The following GHSR variants were observed in gnomAD, a reference collection of about 807,000 sequenced individuals.
The protein encoded by GHSR is growth hormone secretagogue receptor type 1.
GHSR carries 17 observed loss-of-function variants against 24.0 expected under a neutral mutation model. The ratio of observed to expected loss-of-function variants is 0.71; its 90% CI spans 0.49 to 1.06. The LOEUF (loss-of-function observed/expected upper bound fraction) is 1.06. Ranked by LOEUF, GHSR falls within the 50% of genes least tolerant of loss-of-function variation. GHSR has a pLI of 0.00. For synonymous variants in GHSR, 238 were observed against 208.1 expected (o/e 1.14, Z -1.24); for missense variants, 504 against 483.1 (o/e 1.04, Z -0.41).
In GHSR at chr3:172,447,907, G is replaced by A. The variant is rs200759460; in HGVS notation, c.507C>T (p.Ala169=). Reference sequence around the variant, plus strand: ...TGGGCCCGGCGCTGCAGAAGGCCACGGCCCAGATGACGAAGATGACCAGCT... The same window carrying A: ...TGGGCCCGGCGCTGCAGAAGGCCACAGCCCAGATGACGAAGATGACCAGCT... ...RVKLVIFVIW[A]VAFCSAGPIF... Residue 169 remains alanine (A), a synonymous_variant, in exon 1 of 2, where the codon GCC becomes GCT. Coordinates refer to ENST00000241256, the MANE Select transcript of GHSR (RefSeq NM_198407.2). 271 of 1,612,268 alleles carry A rather than the reference G, an allele frequency of 1.7e-4. No individual in the cohort carries two copies. The highest frequency in any genetic ancestry group is 2.2e-4 in the Non-Finnish European group (254 of 1,178,558).
rs200367696 is a variant in GHSR at position 172,447,659 on chromosome 3, G to A, written c.755C>T (p.Ser252Leu). ...RRRGDAVVGA[S>L]LRDQNHKQTV... ...TTGCTTGTGGTTCTGGTCCCTGAGC[G>A]AGGCACCCACGACAGCATCGCCGCG... The change falls in exon 1 of 2, where the codon TCG (serine) becomes TTG (leucine). Residue 252 changes from serine to leucine, a missense_variant. Coordinates refer to ENST00000241256, the MANE Select transcript of GHSR (RefSeq NM_198407.2). 2.3e-4 allele frequency: 378 copies of A among 1,613,932 alleles called. 1 individual carries two copies. Among genetic ancestry groups the A allele is most frequent in the Non-Finnish European group, 3.1e-4 (361 of 1,180,020 alleles).
In GHSR at chr3:172,445,062, C is replaced by CA; in HGVS notation, c.*98_*99insT. 7.4e-7 allele frequency: 1 copy of CA among 1,350,932 alleles called. No individual in the cohort carries two copies. Among genetic ancestry groups the CA allele is most frequent in the East Asian group, 2.3e-5 (1 of 43,596 alleles). The allele number at this position is 1,350,932 out of a possible 1,614,324, so 83.7% of individuals were successfully genotyped here. A position where few individuals can be genotyped will look rare whatever the true frequency, so the allele number is the denominator to read the frequency against. Reference sequence around the variant, plus strand: ...CAGATGTTTCTGGATCTATGTGTTCCTAATTCCAAAATTAACCTTCAGCTT... The same window carrying CA: ...CAGATGTTTCTGGATCTATGTGTTCCATAATTCCAAAATTAACCTTCAGCTT... On this transcript the variant is annotated 3_prime_UTR_variant, in exon 2 of 2. Coordinates refer to ENST00000241256, the MANE Select transcript of GHSR (RefSeq NM_198407.2).
In GHSR at chr3:172,445,069, C is replaced by A. The variant is rs1737425041; in HGVS notation, c.*92G>T. ...TTCTGGATCTATGTGTTCCTAATTC[C>A]AAAATTAACCTTCAGCTTCCTCCCA... is the stretch of plus-strand genomic sequence containing the variant. On this transcript the variant is annotated 3_prime_UTR_variant, in exon 2 of 2. Coordinates refer to ENST00000241256, the MANE Select transcript of GHSR (RefSeq NM_198407.2). 1.4e-6 allele frequency: 2 copies of A among 1,438,852 alleles called. No individual in the cohort carries two copies. Among genetic ancestry groups the A allele is most frequent in the Non-Finnish European group, 1.9e-6 (2 of 1,026,018 alleles). The allele number at this position is 1,438,852 out of a possible 1,614,324, so 89.1% of individuals were successfully genotyped here.
rs201781216 is a variant in GHSR at position 172,447,753 on chromosome 3, A to G, written c.661T>C (p.Phe221Leu). Residue 221 changes from phenylalanine to leucine, a missense_variant, in exon 1 of 2, where the codon TTC becomes CTC. By Grantham distance (22) the Phe-to-Leu change is conservative. Transcript: ENST00000241256. ...GTGAGACAGAAGACAGGAAGGAAGA[A>G]GAAGATGCTGGACACCCACACCATG... ...TVMVWVSSIF[F>L]FLPVFCLTVL... The G allele has an allele frequency of 6.2e-7, 1 of 1,614,026 alleles. No homozygotes were observed. Among genetic ancestry groups the G allele is most frequent in the Non-Finnish European group, 8.5e-7 (1 of 1,180,046 alleles).
intron 1 of GHSR, chr3:172,447,401 A>C: frequency 9.8e-7 from 1 of 1,018,044 alleles, no homozygotes; most frequent in African/African-American, 1.6e-5. Context: ...AGAGAGAGAC[A>C]GAGACAGAGA....
Position 172,447,791 on chromosome 3 carries a change from C to A in GHSR, c.623G>T (p.Gly208Val). 6.2e-7 allele frequency: 1 copy of A among 1,614,060 alleles called. No homozygotes were observed. The highest frequency in any genetic ancestry group is 8.5e-7 in the Non-Finnish European group (1 of 1,180,042). ...CACCCACACCATGACCGTGAGCAGT[C>A]CAGAGCGCACCGCAAACTCGGTGGG... ...CRPTEFAVRS[G>V]LLTVMVWVSS... is the part of the protein sequence containing the mutation. The change falls in exon 1 of 2, where the codon GGA becomes GTA. Residue 208 changes from glycine to valine, a missense_variant. Gly to Val is a moderately radical substitution (Grantham distance 109). Transcript: ENST00000241256.
rs1737512205 is a variant in GHSR, at chr3:172,447,855, C to T, written c.559G>A (p.Glu187Lys). ...GTGTCCCAAGGGTCGGTGCCGTTCT[C>T]GTGCTCCACCCCGACTAGCACGAAG... is the stretch of plus-strand genomic sequence containing the variant. Reference protein sequence around the residue: ...PIFVLVGVEHENGTDPWDTNE... With the variant: ...PIFVLVGVEHKNGTDPWDTNE... The change falls in exon 1 of 2, where the codon GAG (glutamate) becomes AAG (lysine). Residue 187 changes from glutamate to lysine, a missense_variant. Glu to Lys is a moderately conservative substitution (Grantham distance 56, BLOSUM62 1). Coordinates refer to ENST00000241256, the MANE Select transcript of GHSR (RefSeq NM_198407.2). The T allele has an allele frequency of 1.9e-6, 3 of 1,614,000 alleles. No homozygotes were observed. The highest frequency in any genetic ancestry group is 2.2e-5 in the East Asian group (1 of 44,878).
chr3:172,447,746 A>T lies in GHSR; in HGVS notation c.668T>A (p.Leu223His). Reference protein sequence around the residue: ...MVWVSSIFFFLPVFCLTVLYS... With the variant: ...MVWVSSIFFFHPVFCLTVLYS... Reference sequence around the variant, plus strand: ...GAGGACCGTGAGACAGAAGACAGGAAGGAAGAAGAAGATGCTGGACACCCA... The same window carrying T: ...GAGGACCGTGAGACAGAAGACAGGATGGAAGAAGAAGATGCTGGACACCCA... Residue 223 changes from leucine (L) to histidine (H), a missense_variant, in exon 1 of 2, where the codon CTT becomes CAT. By Grantham distance (99) the Leu-to-His change is moderately conservative (BLOSUM62 -3). Transcript: ENST00000241256. 2 of 1,614,158 alleles carry T rather than the reference A, an allele frequency of 1.2e-6. No homozygotes were observed. The highest frequency in any genetic ancestry group is 1.7e-6 in the Non-Finnish European group (2 of 1,180,020).
chr3:172,445,092 C>T lies in GHSR; in HGVS notation c.*69G>A, dbSNP rs202153403. The T allele has an allele frequency of 6.4e-7, 1 of 1,561,128 alleles. No homozygotes were observed. Among genetic ancestry groups the T allele is most frequent in the Non-Finnish European group, 8.8e-7 (1 of 1,133,762 alleles). ...TCCAAAATTAACCTTCAGCTTCCTCCCAAGTTCTGCTGTGCTATGTCTTCC... is the reference window on the plus strand; with the variant it reads ...TCCAAAATTAACCTTCAGCTTCCTCTCAAGTTCTGCTGTGCTATGTCTTCC... On this transcript the variant is annotated 3_prime_UTR_variant, in exon 2 of 2. Coordinates refer to ENST00000241256, the MANE Select transcript of GHSR (RefSeq NM_198407.2).
At position 172,443,734 on chromosome 3, in the gene GHSR, G is replaced by T. The variant is rs1737393269; in HGVS notation, c.*1427C>A. ...AAATGTATAATATTTAGTTGAAGAT[G>T]TCTATTCATTCATAATTAGAATTAA... On this transcript the variant is annotated 3_prime_UTR_variant, in exon 2 of 2. Transcript: ENST00000241256. Among the ~76,000 whole-genome samples the T allele has an allele frequency of 6.6e-6, 1 of 152,142 alleles. No homozygotes were observed. The highest frequency in any genetic ancestry group is 1.5e-5 in the Non-Finnish European group (1 of 68,008).
At position 172,445,135 on chromosome 3, in the gene GHSR, G is replaced by T. The variant is rs200876724; in HGVS notation, c.*26C>A. The T allele has an allele frequency of 4.3e-6, 7 of 1,612,450 alleles. No homozygotes were observed. The highest frequency in any genetic ancestry group is 5.9e-6 in the Non-Finnish European group (7 of 1,178,732). Reference sequence around the variant, plus strand: ...TGTCTTCCGGTTTAGAGTAATAAGCGGTGACTGTACTCGCAATGTGCTAGG... The same window carrying T: ...TGTCTTCCGGTTTAGAGTAATAAGCTGTGACTGTACTCGCAATGTGCTAGG... On this transcript the variant is annotated 3_prime_UTR_variant, in exon 2 of 2. Transcript: ENST00000241256.
In GHSR at chr3:172,447,936, C is replaced by A; in HGVS notation, c.478G>T (p.Val160Leu). ...CAGATGACGAAGATGACCAGCTTCA[C>A]CCGCCCCTTGGTGACCACCACCTTG... The part of the protein sequence containing the change: ...RAKVVVTKGR[V>L]KLVIFVIWAV... Residue 160 changes from valine (V) to leucine (L), a missense_variant, in exon 1 of 2, where the codon GTG (valine) becomes TTG (leucine). Transcript: ENST00000241256. 1 of 1,613,024 alleles carries A rather than the reference C, an allele frequency of 6.2e-7. No homozygotes were observed. Among genetic ancestry groups the A allele is most frequent in the Non-Finnish European group, 8.5e-7 (1 of 1,179,030 alleles).
Position 172,445,104 on chromosome 3 carries a change from G to A in GHSR, c.*57C>T. The A allele has an allele frequency of 1.9e-6, 3 of 1,585,696 alleles. No individual in the cohort carries two copies. In the South Asian group the frequency reaches 3.3e-5, roughly 18 times the overall value. On this transcript the variant is annotated 3_prime_UTR_variant, in exon 2 of 2. Coordinates refer to ENST00000241256, the MANE Select transcript of GHSR (RefSeq NM_198407.2). The stretch of plus-strand genomic sequence containing the variant: ...CTTCAGCTTCCTCCCAAGTTCTGCT[G>A]TGCTATGTCTTCCGGTTTAGAGTAA...
At chr3:172,447,496 G>T in intron 1 of GHSR, 122 bp downstream of exon 1, 1 of 1,525,652 alleles carries the variant, frequency 6.6e-7, no homozygotes, top group South Asian at 1.3e-5. Flanking sequence ...GAGGCCCAGA[G>T]AAACTGAAGA....
chr3:172,448,193 A>T lies in GHSR; in HGVS notation c.221T>A (p.Leu74Gln), dbSNP rs1437365953. The change falls in exon 1 of 2, where the codon CTG (leucine) becomes CAG (glutamine). Residue 74 changes from leucine (L) to glutamine (Q), a missense_variant. Coordinates refer to ENST00000241256, the MANE Select transcript of GHSR (RefSeq NM_198407.2). This position sits in a 1 kb window ranked among gnomAD's most constrained non-coding sequence, Gnocchi z 4.8. ...CAGGTAGAGGTTGGTGGTGGTGCGCAGCTCGCGGAAGCGCGACACCACCAG... is the reference window on the plus strand; with the variant it reads ...CAGGTAGAGGTTGGTGGTGGTGCGCTGCTCGCGGAAGCGCGACACCACCAG... ...TMLVVSRFRE[L>Q]RTTTNLYLSS... The T allele has an allele frequency of 6.2e-7, 1 of 1,614,172 alleles. No individual in the cohort carries two copies.
chr3:172,446,848 T>G (rs1737473121), intron 1 of GHSR, among the ~76,000 whole-genome samples: 1 of 152,174 alleles, frequency 6.6e-6, no homozygotes, highest in Non-Finnish European at 1.5e-5. Context: ...GGAGCTTTGT[T>G]TAATCTAGTT....
In GHSR at chr3:172,445,305, G is replaced by T. The variant is rs767983143; in HGVS notation, c.957C>A (p.Asn319Lys). The T allele has an allele frequency of 6.2e-7, 1 of 1,614,204 alleles. No individual in the cohort carries two copies. Among genetic ancestry groups the T allele is most frequent in the Admixed American group, 1.7e-5 (1 of 60,022 alleles). The change falls in exon 2 of 2, where the codon AAC (asparagine) becomes AAA (lysine). Residue 319 changes from asparagine (N) to lysine (K), a missense_variant. Coordinates refer to ENST00000241256, the MANE Select transcript of GHSR (RefSeq NM_198407.2). ...FVLFYLSAAINPILYNIMSKK... is the reference protein window; with the variant it reads ...FVLFYLSAAIKPILYNIMSKK... Reference sequence around the variant, plus strand: ...TGGACATGATGTTGTACAGAATGGGGTTGATGGCAGCACTGAGGTAGAAGA... The same window carrying T: ...TGGACATGATGTTGTACAGAATGGGTTTGATGGCAGCACTGAGGTAGAAGA...
chr3:172,447,291 G>T (rs1576992992), intron 1 of GHSR, among the ~76,000 whole-genome samples: 1 of 151,962 alleles, frequency 6.6e-6, no homozygotes, highest in East Asian at 1.9e-4. Flanking sequence ...TACAAATATG[G>T]GACATTTTTG....
rs202007365 is a variant in GHSR at position 172,448,283 on chromosome 3, G to T, written c.131C>A (p.Ala44Glu). The change falls in exon 1 of 2, where the codon GCG becomes GAG. Residue 44 changes from alanine (A) to glutamate (E), a missense_variant. Physicochemically the swap from Ala to Glu is moderately radical, Grantham distance 107. Transcript: ENST00000241256. This position sits in a 1 kb window ranked among gnomAD's most constrained non-coding sequence, Gnocchi z 4.8. ...LLQLFPAPLL[A>E]GVTATCVALF... Reference sequence around the variant, plus strand: ...TGCCACGCAGGTGGCTGTGACGCCCGCCAGCAGCGGCGCGGGGAAGAGCTG... The same window carrying T: ...TGCCACGCAGGTGGCTGTGACGCCCTCCAGCAGCGGCGCGGGGAAGAGCTG... 7 of 1,612,550 alleles carry T rather than the reference G, an allele frequency of 4.3e-6. No individual in the cohort carries two copies. Among genetic ancestry groups the T allele is most frequent in the South Asian group, 1.1e-5 (1 of 91,062 alleles).
Sources: allele counts gnomAD v4.1 joint callset (sites outside exome capture counted in the v4.1 genomes callset), GRCh38; gene constraint gnomAD v4.1.1; non-coding constraint Gnocchi (gnomAD v3.1); transcripts MANE v1.5; gene names NCBI Gene and HGNC (gene_info 2026-07-23, HGNC 2026-07-21).